ATRNL1: variants seen among roughly 807,000 people sequenced by gnomAD.
ATRNL1 encodes attractin like 1, also known as attractin-like protein 1.
In ATRNL1, 95 loss-of-function variants were observed where a neutral mutation model predicts 182.7. That is an observed-to-expected ratio of 0.52 (90% confidence interval 0.44 to 0.62). The LOEUF is 0.62. Ranked by LOEUF, ATRNL1 falls within the 20% of genes least tolerant of loss-of-function variation. ATRNL1 has a pLI of 0.00. For missense variants in ATRNL1, 1,471 were observed against 1,679.5 expected (o/e 0.88, Z 2.17); for synonymous variants, 576 against 568.3 (o/e 1.01, Z -0.19).
intron 28 of ATRNL1, among the ~76,000 whole-genome samples, chr10:115,910,486 C>A (rs181477301): frequency 4.6e-5 from 7 of 152,238 alleles, no homozygotes; most frequent in Middle Eastern, 3.4e-3. Flanking sequence ...CCACCCCCCA[C>A]CCTCCTTACA....
chr10:115,776,381 G>T (rs117693354), intron 27 of ATRNL1, among the ~76,000 whole-genome samples: 2 of 152,150 alleles, frequency 1.3e-5, no homozygotes. Context: ...TCATAATAAT[G>T]TACAGTTGCT....
intron 26 of ATRNL1, among the ~76,000 whole-genome samples, chr10:115,600,198 C>T (rs144208292): frequency 0.01 from 1,515 of 148,856 alleles, 15 homozygotes; most frequent in Non-Finnish European, 0.017. Context: ...AAGTTCTATT[C>T]CAAAACTGTT....
intron 27 of ATRNL1, among the ~76,000 whole-genome samples, chr10:115,833,123 A>G (rs1555094286): frequency 6.6e-6 from 1 of 152,198 alleles, no homozygotes; most frequent in Non-Finnish European, 1.5e-5. Context: ...TTTTAAGGAG[A>G]TAAAGGAGCT....
At chr10:115,749,490 G>A (rs183391576) in intron 27 of ATRNL1, among the ~76,000 whole-genome samples, 17 of 151,770 alleles carry the variant, frequency 1.1e-4, no homozygotes, top group African/African-American at 4.1e-4. Context: ...TAGAAAAACG[G>A]GTAAAAGACG....
chr10:115,436,834 G>A (rs1407915106), intron 21 of ATRNL1, among the ~76,000 whole-genome samples: 5 of 152,036 alleles, frequency 3.3e-5, no homozygotes, highest in African/African-American at 9.7e-5. Flanking sequence ...GGATAACAAA[G>A]TGAACAAAAT....
chr10:115,254,269 C>G (rs191764282), intron 10 of ATRNL1, among the ~76,000 whole-genome samples: 1 of 152,266 alleles, frequency 6.6e-6, no homozygotes, highest in East Asian at 1.9e-4. Flanking sequence ...AAAAACATTC[C>G]TATTTCTCCG....
At chr10:115,510,821 A>C (rs986772450) in intron 24 of ATRNL1, among the ~76,000 whole-genome samples, 4 of 151,940 alleles carry the variant, frequency 2.6e-5, no homozygotes, top group Non-Finnish European at 5.9e-5. Flanking sequence ...GACGTCATAA[A>C]AGTGAGGGAG....
intron 25 of ATRNL1, among the ~76,000 whole-genome samples, chr10:115,519,676 T>G (rs915127130): frequency 2.0e-4 from 30 of 152,192 alleles, no homozygotes; most frequent in South Asian, 4.1e-4. Context: ...CCAATTTGTT[T>G]ATTTCTTAGT....
At chr10:115,722,678 T>C (rs1296254525) in intron 26 of ATRNL1, among the ~76,000 whole-genome samples, 7 of 152,184 alleles carry the variant, frequency 4.6e-5, no homozygotes, top group African/African-American at 1.4e-4. Flanking sequence ...TTTTGAGTGC[T>C]CTTTTTATAC....
At chr10:115,464,274 T>G (rs1847948701) in intron 22 of ATRNL1, among the ~76,000 whole-genome samples, 1 of 152,148 alleles carries the variant, frequency 6.6e-6, no homozygotes, top group East Asian at 1.9e-4. Context: ...TGGCCAAGGC[T>G]TCTTATTCTA....
chr10:115,505,772 TACAC>T (rs1355193380), intron 24 of ATRNL1, among the ~76,000 whole-genome samples: 3 of 151,598 alleles, frequency 2.0e-5, no homozygotes, highest in African/African-American at 4.8e-5. Context: ...CAGGCACACA[TACAC>T]ACACACACGT....
intron 9 of ATRNL1, among the ~76,000 whole-genome samples, chr10:115,223,583 C>T (rs921261626): frequency 1.3e-5 from 2 of 151,788 alleles, no homozygotes; most frequent in South Asian, 2.1e-4. Flanking sequence ...ACCAAAAAAC[C>T]GGCAAGAACA....
chr10:115,213,044 TG>T (rs1259881458), intron 8 of ATRNL1, among the ~76,000 whole-genome samples: 1 of 152,154 alleles, frequency 6.6e-6, no homozygotes, highest in Non-Finnish European at 1.5e-5. Context: ...ATTTTTATCA[TG>T]GCTACTTTAA....
intron 19 of ATRNL1, among the ~76,000 whole-genome samples, chr10:115,352,237 T>G (rs1441046068): frequency 6.6e-6 from 1 of 151,940 alleles, no homozygotes; most frequent in Non-Finnish European, 1.5e-5. Context: ...AAATTTTAGT[T>G]ATTTTTTCCC....
chr10:115,904,669 AG>A (rs1412536294), intron 28 of ATRNL1, among the ~76,000 whole-genome samples: 1 of 152,252 alleles, frequency 6.6e-6, no homozygotes, highest in Non-Finnish European at 1.5e-5. Flanking sequence ...CAGGTTGTAG[AG>A]ATCAAACAAC....
chr10:115,579,182 GAAT>G (rs1592885361), intron 26 of ATRNL1, among the ~76,000 whole-genome samples: 2 of 151,656 alleles, frequency 1.3e-5, no homozygotes, highest in African/African-American at 4.8e-5. Flanking sequence ...TATTACTGTT[GAAT>G]AGAATGTTCT....
At chr10:115,634,988 T>C (rs1858770256) in intron 26 of ATRNL1, among the ~76,000 whole-genome samples, 1 of 152,156 alleles carries the variant, frequency 6.6e-6, no homozygotes, top group Admixed American at 6.5e-5. Flanking sequence ...GTAGAAATTT[T>C]AATAAATGCT....
At chr10:115,535,875 C>T (rs1851956748) in intron 25 of ATRNL1, among the ~76,000 whole-genome samples, 2 of 151,722 alleles carry the variant, frequency 1.3e-5, no homozygotes, top group Admixed American at 1.3e-4. Flanking sequence ...GAGGTCCACT[C>T]CAGACCCTGT....
intron 26 of ATRNL1, among the ~76,000 whole-genome samples, chr10:115,570,015 G>A (rs781799596): frequency 1.3e-5 from 2 of 152,184 alleles, no homozygotes; most frequent in African/African-American, 2.4e-5. Context: ...CTGCTGGAGT[G>A]CAGTGGTGCG....
Sources: gnomAD v4.1 joint callset for allele counts (sites outside exome capture counted in the v4.1 genomes callset) on GRCh38, gnomAD v4.1.1 for gene constraint, MANE v1.5 for transcripts, NCBI Gene and HGNC (gene_info 2026-07-23, HGNC 2026-07-21) for gene names.